Variants in LSM8 observed in about 807,000 individuals in gnomAD.
LSM8 encodes LSM8 U6 small nuclear RNA associated.
A neutral mutation model predicts 15.0 loss-of-function variants in LSM8; 14 were observed. The ratio of observed to expected loss-of-function variants is 0.93; its 90% confidence interval spans 0.62 to 1.46. LSM8 has a LOEUF of 1.46. Ranked by LOEUF, LSM8 falls within the 40% of genes most tolerant of loss-of-function variation. The pLI is 0.00. For missense variants in LSM8, 90 were observed against 115.4 expected, an observed-to-expected ratio of 0.78 and a Z score of 1.01; for synonymous variants, 50 against 42.1, an observed-to-expected ratio of 1.19 and a Z score of -0.73.
At chr7:118,185,948 A>G (rs1198190071) in intron 2 of LSM8, among the ~76,000 whole-genome samples, 3 of 152,188 alleles carry the variant, frequency 2.0e-5, no homozygotes, top group East Asian at 1.9e-4. Context: ...GTAGACCTTT[A>G]TTAAACTTAC....
intron 3 of LSM8, chr7:118,190,259 G>A (rs1000217694): frequency 6.6e-6 from 1 of 152,326 alleles, no homozygotes; most frequent in East Asian, 1.9e-4. Flanking sequence ...AAGGTGAGCT[G>A]TAAGTAATGA....
chr7:118,195,874 T>C lies in LSM8; in HGVS notation c.*3872T>C, dbSNP rs1388232271. ...CTATCTCCATTTAGATTGATACCCATTAAATAGCATAGTGCTCCCATTAAA... is the reference window on the plus strand; with the variant it reads ...CTATCTCCATTTAGATTGATACCCACTAAATAGCATAGTGCTCCCATTAAA... On this transcript the variant is annotated 3_prime_UTR_variant, in exon 4 of 4. Coordinates refer to ENST00000249299, the MANE Select transcript of LSM8 (RefSeq NM_016200.5). Among the ~76,000 whole-genome samples the C allele has an allele frequency of 6.6e-6, 1 of 152,196 alleles. No individual in the cohort carries two copies. Among genetic ancestry groups the C allele is most frequent in the African/African-American group, 2.4e-5 (1 of 41,446 alleles).
At position 118,202,099 on chromosome 7, in the gene LSM8, C is replaced by T. The variant is rs1046933037; in HGVS notation, c.*10097C>T. Among the ~76,000 whole-genome samples, 2 of 152,054 alleles carry T rather than the reference C, an allele frequency of 1.3e-5. No individual in the cohort carries two copies. Among genetic ancestry groups the T allele is most frequent in the African/African-American group, 2.4e-5 (1 of 41,416 alleles). ...GCTTAAACATTCTGGCTGACTGCCT[C>T]ATCAATGCTATTTAATAACAGAATT... On this transcript the variant is annotated 3_prime_UTR_variant, in exon 4 of 4. Coordinates refer to ENST00000249299, the MANE Select transcript of LSM8 (RefSeq NM_016200.5).
chr7:118,197,102 T>A lies in LSM8; in HGVS notation c.*5100T>A, dbSNP rs1157642860. Reference sequence around the variant, plus strand: ...AGCATTGCTACAACTGGTATCAAATTCCCATCAATGTCCCTACAAGGATAT... The same window carrying A: ...AGCATTGCTACAACTGGTATCAAATACCCATCAATGTCCCTACAAGGATAT... On this transcript the variant is annotated 3_prime_UTR_variant, in exon 4 of 4. Transcript: ENST00000249299. Among the ~76,000 whole-genome samples, 2 of 152,066 alleles carry A rather than the reference T, an allele frequency of 1.3e-5. No homozygotes were observed. The highest frequency in any genetic ancestry group is 4.8e-5 in the African/African-American group (2 of 41,388).
In LSM8 at chr7:118,198,247, A is replaced by G. The variant is rs749423130; in HGVS notation, c.*6245A>G. On this transcript the variant is annotated 3_prime_UTR_variant, in exon 4 of 4. Coordinates refer to ENST00000249299, the MANE Select transcript of LSM8 (RefSeq NM_016200.5). ...AGTGATTAAGTTATAAAAAGGTTAG[A>G]TTTCTTTGGTGTGAAAAGATAAATG... 6.6e-6 allele frequency among the ~76,000 whole-genome samples: 1 copy of G among 152,194 alleles called. No individual in the cohort carries two copies. Among genetic ancestry groups the G allele is most frequent in the Non-Finnish European group, 1.5e-5 (1 of 68,034 alleles).
At position 118,202,710 on chromosome 7, in the gene LSM8, G is replaced by C. The variant is rs998361112; in HGVS notation, c.*10708G>C. Among the ~76,000 whole-genome samples, 1 of 149,754 alleles carries C rather than the reference G, an allele frequency of 6.7e-6. No individual in the cohort carries two copies. Among genetic ancestry groups the C allele is most frequent in the Non-Finnish European group, 1.5e-5 (1 of 67,556 alleles). On this transcript the variant is annotated 3_prime_UTR_variant, in exon 4 of 4. Transcript: ENST00000249299. ...ATTTTGCCACTCCAAATAAAAAAAG[G>C]GTTGCTGTTAGGAAAAAGAGAAGAA...
At chr7:118,189,712 T>C (rs1487323693) in intron 3 of LSM8, 1 of 151,814 alleles carries the variant, frequency 6.6e-6, no homozygotes, top group Non-Finnish European at 1.5e-5. Flanking sequence ...AATAGAAAAA[T>C]TAGCCTGGTG....
At position 118,191,982 on chromosome 7, in the gene LSM8, T is replaced by C; in HGVS notation, c.271T>C (p.Leu91=). 22 of 1,610,756 alleles carry C rather than the reference T, an allele frequency of 1.4e-5. No homozygotes were observed. Among genetic ancestry groups the C allele is most frequent in the Non-Finnish European group, 1.9e-5 (22 of 1,177,378 alleles). ...TTTGGGGAATATTCGAGCAGAACCT[T>C]TAAATTCTGTAGCACACTGAGGAAA... ...LDLGNIRAEP[L]NSVAH is the part of the protein sequence containing the mutation. Residue 91 remains leucine, a synonymous_variant, in exon 4 of 4, where the codon TTA becomes CTA. Coordinates refer to ENST00000249299, the MANE Select transcript of LSM8 (RefSeq NM_016200.5).
chr7:118,199,521 T>A lies in LSM8; in HGVS notation c.*7519T>A, dbSNP rs1208826703. 1.3e-5 allele frequency among the ~76,000 whole-genome samples: 2 copies of A among 152,152 alleles called. No individual in the cohort carries two copies. The highest frequency in any genetic ancestry group is 2.9e-5 in the Non-Finnish European group (2 of 68,020). On this transcript the variant is annotated 3_prime_UTR_variant, in exon 4 of 4. Transcript: ENST00000249299. ...TCAGATTTTCAGATATGATAAAGGC[T>A]GGAAGTACAGAGTTTCAAAAGATGT...
At chr7:118,188,682 G>A (rs1808926766) in intron 3 of LSM8, 1 of 234,044 alleles carries the variant, frequency 4.3e-6, no homozygotes, top group African/African-American at 2.3e-5. Context: ...AGTAGCCTGG[G>A]TAGAGTCCAG....
chr7:118,184,318 G>A, intron 1 of LSM8, 64 bp downstream of exon 1: 1 of 1,426,294 alleles, frequency 7.0e-7, no homozygotes, highest in South Asian at 1.4e-5. Context: ...GTCGGGGATC[G>A]GTGGGAGGTT....
At position 118,202,323 on chromosome 7, in the gene LSM8, G is replaced by A. The variant is rs1390850537; in HGVS notation, c.*10321G>A. Among the ~76,000 whole-genome samples the A allele has an allele frequency of 3.3e-5, 5 of 151,940 alleles. No individual in the cohort carries two copies. Among genetic ancestry groups the A allele is most frequent in the Admixed American group, 3.3e-4 (5 of 15,230 alleles). Reference sequence around the variant, plus strand: ...CTGCCAGTGGCTTTAACAGGCAGGAGGAGTTCATTTATCTCGAGAGAAAAG... The same window carrying A: ...CTGCCAGTGGCTTTAACAGGCAGGAAGAGTTCATTTATCTCGAGAGAAAAG... On this transcript the variant is annotated 3_prime_UTR_variant, in exon 4 of 4. Coordinates refer to ENST00000249299, the MANE Select transcript of LSM8 (RefSeq NM_016200.5).
In LSM8 at chr7:118,192,114, T is replaced by G. The variant is rs1242765788; in HGVS notation, c.*112T>G. 33 of 612,758 alleles carry G rather than the reference T, an allele frequency of 5.4e-5. No individual in the cohort carries two copies. The Admixed American group carries it at 1.2e-3, about 22-fold the overall frequency. 38.0% of individuals were successfully genotyped at this position (612,758 alleles called of 1,614,324 possible). ...TCACTGGATTTTGACTCCTTATTGA[T>G]TCATTGTAATATGTAAATTAAAATA... On this transcript the variant is annotated 3_prime_UTR_variant, in exon 4 of 4. Coordinates refer to ENST00000249299, the MANE Select transcript of LSM8 (RefSeq NM_016200.5).
At chr7:118,185,571 C>G in intron 1 of LSM8, 83 bp from the exon 2 acceptor site, 1 of 1,231,082 alleles carries the variant, frequency 8.1e-7, no homozygotes, top group South Asian at 1.3e-5. Context: ...CATATTTATT[C>G]TAAAAATTCA....
Position 118,195,359 on chromosome 7 carries a change from C to T in LSM8, c.*3357C>T, listed in dbSNP as rs1809061817. Among the ~76,000 whole-genome samples, 2 of 152,096 alleles carry T rather than the reference C, an allele frequency of 1.3e-5. No homozygotes were observed. Among genetic ancestry groups the T allele is most frequent in the South Asian group, 4.1e-4 (2 of 4,822 alleles). The stretch of plus-strand genomic sequence containing the variant: ...GGTTGTAAAAAGTAGCATTAGACTG[C>T]ATTTTAAACATTTGGTATGATTTTG... On this transcript the variant is annotated 3_prime_UTR_variant, in exon 4 of 4. Coordinates refer to ENST00000249299, the MANE Select transcript of LSM8 (RefSeq NM_016200.5).
In LSM8 at chr7:118,191,719, T is replaced by A. The variant is rs1808984840; in HGVS notation, c.201-193T>A. ...TGTGCCTTCAAATTATTTCTTGAGT[T>A]TTGTGACTTAAATATGCAGTTCACT... is the stretch of plus-strand genomic sequence containing the variant. On this transcript the variant is annotated intron_variant, in intron 3 of 3. Coordinates refer to ENST00000249299, the MANE Select transcript of LSM8 (RefSeq NM_016200.5). 6 of 512,220 alleles carry A rather than the reference T, an allele frequency of 1.2e-5. No homozygotes were observed. The East Asian group carries it at 1.9e-4, about 16-fold the overall frequency. The allele number at this position is 512,220 out of a possible 1,614,324, so 31.7% of individuals were successfully genotyped here.
chr7:118,192,201 G>A lies in LSM8; in HGVS notation c.*199G>A. 1 of 367,962 alleles carries A rather than the reference G, an allele frequency of 2.7e-6. No individual in the cohort carries two copies. Among genetic ancestry groups the A allele is most frequent in the East Asian group, 4.3e-5 (1 of 23,030 alleles). 22.8% of individuals were successfully genotyped at this position (367,962 alleles called of 1,614,324 possible). A position where few individuals can be genotyped will look rare whatever the true frequency, so the allele number is the denominator to read the frequency against. ...GCCTAAATATAAGTTTGGTAGCTTG[G>A]TTTCTTTTTTTTATTAAATAGTGTG... is the stretch of plus-strand genomic sequence containing the variant. On this transcript the variant is annotated 3_prime_UTR_variant, in exon 4 of 4. Coordinates refer to ENST00000249299, the MANE Select transcript of LSM8 (RefSeq NM_016200.5).
At chr7:118,190,208 G>A (rs1336958818) in intron 3 of LSM8, 1 of 152,272 alleles carries the variant, frequency 6.6e-6, no homozygotes, top group Non-Finnish European at 1.5e-5. Context: ...AAAATCAAGA[G>A]TTTATAAAAT....
chr7:118,191,835 T>C, intron 3 of LSM8, 77 bp from the exon 4 acceptor site: 1 of 1,125,864 alleles, frequency 8.9e-7, no homozygotes, highest in Non-Finnish European at 1.3e-6. Context: ...CTCAGTGCTT[T>C]GATTTGATTA....
Sources: gnomAD v4.1 joint callset for allele counts (sites outside exome capture counted in the v4.1 genomes callset) on GRCh38, gnomAD v4.1.1 for gene constraint, MANE v1.5 for transcripts, NCBI Gene and HGNC (gene_info 2026-07-23, HGNC 2026-07-21) for gene names.